Variants in WDR70 observed in about 807,000 individuals in gnomAD.
The protein encoded by WDR70 is WD repeat-containing protein 70.
Under a neutral mutation model 88.6 loss-of-function variants are expected in WDR70, and 53 were observed. That is an observed-to-expected ratio of 0.60 (90% CI 0.48 to 0.75). The LOEUF (loss-of-function observed/expected upper bound fraction) is 0.75, where lower values mean the gene tolerates loss of function less well. Ranked by LOEUF, WDR70 falls within the 30% of genes least tolerant of loss-of-function variation. The pLI, the probability that WDR70 is intolerant of heterozygous loss-of-function variation, is 0.00. For missense variants in WDR70, 610 were observed against 823.2 expected, an observed-to-expected ratio of 0.74 and a Z score of 3.17; for synonymous variants, 280 against 270.0, an observed-to-expected ratio of 1.04 and a Z score of -0.36.
Position 37,590,313 on chromosome 5 carries a change from C to T in WDR70, c.918-14751C>T, listed in dbSNP as rs191261126. Among the ~76,000 whole-genome samples, 4 of 152,292 alleles carry T rather than the reference C, an allele frequency of 2.6e-5. No individual in the cohort carries two copies. In the East Asian group the frequency reaches 7.7e-4, roughly 29 times the overall value. On this transcript the variant is annotated intron_variant, in intron 9 of 17. Coordinates refer to ENST00000265107, the MANE Select transcript of WDR70 (RefSeq NM_018034.4). ...TTTTACCACCAGCCCTGTGCAAGTA[C>T]TGATCTGCCATCTATATATTTGCCT...
At chr5:37,499,363 C>G (rs1221346612) in intron 8 of WDR70, among the ~76,000 whole-genome samples, 1 of 151,932 alleles carries the variant, frequency 6.6e-6, no homozygotes, top group Non-Finnish European at 1.5e-5. Flanking sequence ...ATCTGCCCAC[C>G]TTTGCCTCCC....
At chr5:37,402,793 C>T (rs1749236232) in intron 5 of WDR70, among the ~76,000 whole-genome samples, 1 of 152,002 alleles carries the variant, frequency 6.6e-6, no homozygotes, top group Admixed American at 6.6e-5. Flanking sequence ...CTCTCTTCAT[C>T]TTTCCCAGCC....
At chr5:37,482,604 G>A (rs1262930882) in intron 8 of WDR70, among the ~76,000 whole-genome samples, 4 of 152,198 alleles carry the variant, frequency 2.6e-5, no homozygotes, top group African/African-American at 7.2e-5. Flanking sequence ...TGAGATTTGG[G>A]TGGGGACACA....
chr5:37,514,872 C>G (rs1740839973), intron 8 of WDR70, among the ~76,000 whole-genome samples: 1 of 151,632 alleles, frequency 6.6e-6, no homozygotes, highest in Admixed American at 6.6e-5. Context: ...AAAAATTAGC[C>G]AGGCATGGTG....
At chr5:37,702,659 C>T (rs367826107) in intron 12 of WDR70, among the ~76,000 whole-genome samples, 1 of 152,228 alleles carries the variant, frequency 6.6e-6, no homozygotes, top group East Asian at 1.9e-4. Context: ...TTAAAAAGCA[C>T]AGATTCTGGA....
chr5:37,449,240 G>A (rs552330538), intron 7 of WDR70, among the ~76,000 whole-genome samples: 8 of 152,092 alleles, frequency 5.3e-5, no homozygotes, highest in Non-Finnish European at 8.8e-5. Flanking sequence ...GTCTTTTGTC[G>A]CTTTGACATG....
chr5:37,673,931 T>C (rs1409851632), intron 10 of WDR70, among the ~76,000 whole-genome samples: 1 of 152,118 alleles, frequency 6.6e-6, no homozygotes, highest in Non-Finnish European at 1.5e-5. Flanking sequence ...TCCATGTCCT[T>C]GCAAAAGGAC....
chr5:37,620,482 G>T (rs1744478722), intron 10 of WDR70, among the ~76,000 whole-genome samples: 1 of 152,102 alleles, frequency 6.6e-6, no homozygotes, highest in Non-Finnish European at 1.5e-5. Context: ...GTCTTGTAAA[G>T]CTGTATTTTT....
intron 10 of WDR70, among the ~76,000 whole-genome samples, chr5:37,608,039 T>C (rs933028594): frequency 4.9e-5 from 1 of 20,412 alleles, no homozygotes; most frequent in African/African-American, 1.5e-4. Flanking sequence ...TGCAACACTC[T>C]TTTTTTTTTT....
chr5:37,636,981 G>A lies in WDR70; in HGVS notation c.1092+31743G>A, dbSNP rs148681936. 1.9e-3 allele frequency among the ~76,000 whole-genome samples: 292 copies of A among 152,264 alleles called. 1 individual carries two copies. The highest frequency in any genetic ancestry group is 6.7e-3 in the African/African-American group (277 of 41,538). Reference sequence around the variant, plus strand: ...ATCTTGATAGATGTTAACATTAGGGGAAGCTGTGATATGGACCTCTCTAAC... The same window carrying A: ...ATCTTGATAGATGTTAACATTAGGGAAAGCTGTGATATGGACCTCTCTAAC... On this transcript the variant is annotated intron_variant, in intron 10 of 17. Coordinates refer to ENST00000265107, the MANE Select transcript of WDR70 (RefSeq NM_018034.4).
At chr5:37,562,979 G>T (rs1229495429) in intron 9 of WDR70, among the ~76,000 whole-genome samples, 3 of 146,868 alleles carry the variant, frequency 2.0e-5, no homozygotes, top group Admixed American at 1.4e-4. Flanking sequence ...TCCCAGACGG[G>T]GTGGTGGCCG....
chr5:37,521,725 CACACA>C (rs1741096983), intron 9 of WDR70, among the ~76,000 whole-genome samples: 1 of 151,982 alleles, frequency 6.6e-6, no homozygotes, highest in Non-Finnish European at 1.5e-5. Flanking sequence ...CACACACACA[CACACA>C]CACACACACA....
intron 8 of WDR70, among the ~76,000 whole-genome samples, chr5:37,485,805 C>T (rs569583251): frequency 6.6e-6 from 1 of 150,868 alleles, no homozygotes; most frequent in South Asian, 2.1e-4. Flanking sequence ...GATTCCCCTG[C>T]CTTAGCCTCC....
chr5:37,546,825 G>A (rs1182006200), intron 9 of WDR70, among the ~76,000 whole-genome samples: 1 of 152,054 alleles, frequency 6.6e-6, no homozygotes, highest in African/African-American at 2.4e-5. Flanking sequence ...GGCTGAGGCA[G>A]GAGAATTGCC....
chr5:37,535,107 A>T (rs1741622454), intron 9 of WDR70, among the ~76,000 whole-genome samples: 1 of 152,192 alleles, frequency 6.6e-6, no homozygotes, highest in Admixed American at 6.5e-5. Flanking sequence ...GTAATAAATA[A>T]ATAAAATAGT....
intron 10 of WDR70, among the ~76,000 whole-genome samples, chr5:37,632,984 G>A (rs192961267): frequency 6.6e-6 from 1 of 152,146 alleles, no homozygotes; most frequent in African/African-American, 2.4e-5. Flanking sequence ...GATATGTTTA[G>A]ATACACAAAT....
rs200037162 is a variant in WDR70, at chr5:37,705,640, T to TA, written c.1416+2566dup. On this transcript the variant is annotated intron_variant, in intron 13 of 17. Coordinates refer to ENST00000265107, the MANE Select transcript of WDR70 (RefSeq NM_018034.4). Reference sequence around the variant, plus strand: ...CCAAGTTTTACGTCTTCTTGGAATGTAAAAAAAAAAAAATACATTTCTTGG... The same window carrying TA: ...CCAAGTTTTACGTCTTCTTGGAATGTAAAAAAAAAAAAAATACATTTCTTGG... Among the ~76,000 whole-genome samples the TA allele has an allele frequency of 1.8e-3, 259 of 144,134 alleles. 1 individual carries two copies. The highest frequency in any genetic ancestry group is 5.5e-3 in the South Asian group (25 of 4,540). The allele number at this position is 144,134 out of a possible 152,430, so 94.6% of individuals were successfully genotyped here.
At chr5:37,620,261 C>A (rs1561925609) in intron 10 of WDR70, among the ~76,000 whole-genome samples, 1 of 104,084 alleles carries the variant, frequency 9.6e-6, no homozygotes, top group Non-Finnish European at 2.1e-5. Context: ...ACTGAGTAAT[C>A]TGTTTTTTGT....
Position 37,437,882 on chromosome 5 carries a change from G to A in WDR70, c.493-40G>A, listed in dbSNP as rs767379404. Reference sequence around the variant, plus strand: ...GTGTTGTGTAGTTCCCCACAAATATGTTATTTTACCATTAATGTCATGGGG... The same window carrying A: ...GTGTTGTGTAGTTCCCCACAAATATATTATTTTACCATTAATGTCATGGGG... On this transcript the variant is annotated intron_variant, in intron 5 of 17. Coordinates refer to ENST00000265107, the MANE Select transcript of WDR70 (RefSeq NM_018034.4). 4.5e-6 allele frequency: 7 copies of A among 1,572,992 alleles called. No homozygotes were observed. The African/African-American group carries it at 8.2e-5, about 18-fold the overall frequency.
Sources: gnomAD v4.1 joint callset for allele counts (sites outside exome capture counted in the v4.1 genomes callset) on GRCh38, gnomAD v4.1.1 for gene constraint, MANE v1.5 for transcripts, NCBI Gene and HGNC (gene_info 2026-07-23, HGNC 2026-07-21) for gene names.